NTN1: variants seen among roughly 807,000 people sequenced by gnomAD.
The protein encoded by NTN1 is netrin 1.
Under a neutral mutation model 54.2 loss-of-function variants are expected in NTN1, and 11 were observed. The ratio of observed to expected loss-of-function variants is 0.20; its 90% CI spans 0.13 to 0.34. The LOEUF (loss-of-function observed/expected upper bound fraction) is 0.34, where lower values mean the gene tolerates loss of function less well. NTN1 is among the 10% of genes least tolerant of loss of function. The pLI is 1.00. For missense variants in NTN1, 740 were observed against 893.1 expected (o/e 0.83, Z 2.18); for synonymous variants, 371 against 382.0 (o/e 0.97, Z 0.33).
chr17:9,039,059 G>A (rs1567696341), intron 2 of NTN1, among the ~76,000 whole-genome samples: 1 of 152,088 alleles, frequency 6.6e-6, no homozygotes, highest in African/African-American at 2.4e-5. Flanking sequence ...AAATGCTTAA[G>A]TATTATATAA....
Position 9,221,133 on chromosome 17 carries a change from GT to G in NTN1, c.1412-30del, listed in dbSNP as rs1567742957. On this transcript the variant is annotated intron_variant, in intron 5 of 6. Transcript: ENST00000173229. The surrounding 1 kb of genome is among the most constrained non-coding windows in gnomAD (Gnocchi z 4.5). ...AGCCTATTCATCGCCAGCCTAATTA[GT>G]TTTTGTCTGTGCTCCCCCCCCACCC... is the stretch of plus-strand genomic sequence containing the variant. The G allele has an allele frequency of 1.1e-5, 16 of 1,462,448 alleles. No individual in the cohort carries two copies. Among genetic ancestry groups the G allele is most frequent in the Non-Finnish European group, 1.5e-5 (16 of 1,046,912 alleles). 90.6% of individuals were successfully genotyped at this position (1,462,448 alleles called of 1,614,324 possible).
rs535040798 is a variant in NTN1, at chr17:9,150,526, C to T, written c.1019-12287C>T. ...CAGAGGCTCCGGACTGGAACGTGGACGGAGGATCTGAGGAACGCAGCAGAC... is the reference window on the plus strand; with the variant it reads ...CAGAGGCTCCGGACTGGAACGTGGATGGAGGATCTGAGGAACGCAGCAGAC... On this transcript the variant is annotated intron_variant, in intron 2 of 6. Transcript: ENST00000173229. Among the ~76,000 whole-genome samples, 541 of 152,286 alleles carry T rather than the reference C, an allele frequency of 3.6e-3. 2 individuals carry two copies. Among genetic ancestry groups the T allele is most frequent in the Non-Finnish European group, 5.9e-3 (401 of 68,016 alleles).
intron 2 of NTN1, among the ~76,000 whole-genome samples, chr17:9,095,903 G>A (rs553863733): frequency 4.6e-5 from 7 of 151,546 alleles, no homozygotes; most frequent in East Asian, 3.9e-4. Context: ...GGGTTCAAGC[G>A]ATTCTCCTGC....
At chr17:9,170,214 T>C (rs1168814641) in intron 3 of NTN1, among the ~76,000 whole-genome samples, 2 of 152,212 alleles carry the variant, frequency 1.3e-5, no homozygotes, top group Admixed American at 6.5e-5. Context: ...ATGGGAAGAA[T>C]AGTCCCTCCT....
chr17:9,183,424 T>C (rs1168293236), intron 5 of NTN1: 1 of 422,688 alleles, frequency 2.4e-6, no homozygotes, highest in African/African-American at 2.1e-5. Context: ...TTCATTTTCA[T>C]TCGCCTCTAA....
Position 9,160,018 on chromosome 17 carries a change from C to G in NTN1, c.1019-2795C>G, listed in dbSNP as rs533776289. 9.2e-5 allele frequency among the ~76,000 whole-genome samples: 14 copies of G among 152,266 alleles called. 1 individual carries two copies. In the South Asian group the frequency reaches 2.7e-3, roughly 29 times the overall value. ...GGGAAACGACCTATAGGTGCCCAAC[C>G]CTGGGAGGTCCTTCTTTTAAATGCC... On this transcript the variant is annotated intron_variant, in intron 2 of 6. Transcript: ENST00000173229.
chr17:9,166,440 C>T (rs1162269225), intron 3 of NTN1, among the ~76,000 whole-genome samples: 1 of 147,806 alleles, frequency 6.8e-6, no homozygotes, highest in East Asian at 2.1e-4. Context: ...CTCCCAGGTT[C>T]AAGCGATTCT....
intron 5 of NTN1, among the ~76,000 whole-genome samples, chr17:9,190,041 AAG>A (rs1437890542): frequency 1.3e-5 from 2 of 152,252 alleles, no homozygotes; most frequent in African/African-American, 4.8e-5. Flanking sequence ...TAGAACTAAT[AAG>A]AGAATTCTAT....
intron 2 of NTN1, among the ~76,000 whole-genome samples, chr17:9,076,671 C>T (rs118145306): frequency 0.023 from 3,565 of 152,332 alleles, 63 homozygotes; most frequent in Middle Eastern, 0.058. Context: ...CCATTGCGCC[C>T]GGCCTAGGTT....
chr17:9,138,784 AC>A (rs1304272350), intron 2 of NTN1, among the ~76,000 whole-genome samples: 2 of 151,884 alleles, frequency 1.3e-5, no homozygotes, highest in Non-Finnish European at 2.9e-5. Flanking sequence ...TGAACCTGGG[AC>A]CTGTGGGCTG....
In NTN1 at chr17:9,240,087, A is replaced by T; in HGVS notation, c.*119A>T. 1 of 2,248 alleles carries T rather than the reference A, an allele frequency of 4.4e-4. No individual in the cohort carries two copies. The highest frequency in any genetic ancestry group is 8.5e-4 in the Non-Finnish European group (1 of 1,178). The allele number at this position is 2,248 out of a possible 1,614,324, so 0.1% of individuals were successfully genotyped here. On this transcript the variant is annotated 3_prime_UTR_variant, in exon 7 of 7. Transcript: ENST00000173229. The stretch of plus-strand genomic sequence containing the variant: ...AGGGCTTTCCCAGGTGGGGGGAGGG[A>T]GGGGGCGGGGCCGCACGGCGCGGGG...
chr17:9,162,571 G>A (rs765512068), intron 2 of NTN1, among the ~76,000 whole-genome samples: 7 of 152,206 alleles, frequency 4.6e-5, no homozygotes, highest in Non-Finnish European at 7.3e-5. Context: ...GAGGTACTGG[G>A]GGTCACGGCT....
At chr17:9,205,342 G>A (rs1904938569) in intron 5 of NTN1, among the ~76,000 whole-genome samples, 1 of 152,228 alleles carries the variant, frequency 6.6e-6, no homozygotes, top group Non-Finnish European at 1.5e-5. Flanking sequence ...CCTTGAAAAG[G>A]GGCAGCCAGG....
chr17:9,120,737 C>G (rs1338497864), intron 2 of NTN1, among the ~76,000 whole-genome samples: 2 of 152,224 alleles, frequency 1.3e-5, no homozygotes, highest in African/African-American at 4.8e-5. Flanking sequence ...GGAGTCCCCC[C>G]AGCCCCTTCC....
At chr17:9,035,331 T>C (rs9894560) in intron 2 of NTN1, among the ~76,000 whole-genome samples, 79,612 of 152,152 alleles carry the variant, frequency 0.52, 21,627 homozygotes, top group East Asian at 0.74. Context: ...TCTTCATCCA[T>C]GTATAGTAGT....
chr17:9,124,044 C>T (rs932315059), intron 2 of NTN1, among the ~76,000 whole-genome samples: 1 of 152,172 alleles, frequency 6.6e-6, no homozygotes, highest in African/African-American at 2.4e-5. Flanking sequence ...TCTTAGCAAC[C>T]TTTGGCCTGT....
rs2091858917 is a variant in NTN1 at position 9,023,175 on chromosome 17, G to A, written c.802G>A (p.Ala268Thr). ...GDENEDDSEL[A>T]RDSYFYAVSD... Reference sequence around the variant, plus strand: ...CGAGAACGAGGACGACTCGGAGCTGGCGCGCGACTCGTACTTCTACGCGGT... The same window carrying A: ...CGAGAACGAGGACGACTCGGAGCTGACGCGCGACTCGTACTTCTACGCGGT... The change falls in exon 2 of 7, where the codon GCG becomes ACG. Residue 268 changes from alanine (A) to threonine (T), a missense_variant. Physicochemically the swap from Ala to Thr is moderately conservative, Grantham distance 58 (BLOSUM62 0). Transcript: ENST00000173229. 2 of 1,562,994 alleles carry A rather than the reference G, an allele frequency of 1.3e-6. No individual in the cohort carries two copies. The highest frequency in any genetic ancestry group is 2.4e-5 in the East Asian group (1 of 42,220).
upstream of NTN1, among the ~76,000 whole-genome samples, chr17:9,020,865 CGACA>C (rs2091843743): frequency 6.6e-6 from 1 of 152,190 alleles, no homozygotes; most frequent in African/African-American, 2.4e-5. Context: ...GCCGCGTTCC[CGACA>C]GACAGGCTCA....
chr17:9,203,613 A>G (rs1904875423), intron 5 of NTN1, among the ~76,000 whole-genome samples: 1 of 151,960 alleles, frequency 6.6e-6, no homozygotes, highest in South Asian at 2.1e-4. Flanking sequence ...AGCCTGGCCA[A>G]CATGGTGAAA....
Sources: allele counts gnomAD v4.1 joint callset (sites outside exome capture counted in the v4.1 genomes callset), GRCh38; gene constraint gnomAD v4.1.1; non-coding constraint Gnocchi (gnomAD v3.1); transcripts MANE v1.5; gene names NCBI Gene and HGNC (gene_info 2026-07-23, HGNC 2026-07-21).